TGIF1: variants seen among roughly 807,000 people sequenced by gnomAD.
TGIF1 encodes the protein TGFB induced factor homeobox 1, also known as homeobox protein TGIF1.
Under a neutral mutation model 19.3 loss-of-function variants are expected in TGIF1, and 4 were observed. The ratio of observed to expected loss-of-function variants is 0.21; its 90% CI spans 0.10 to 0.47. The LOEUF (loss-of-function observed/expected upper bound fraction) is 0.47, where lower values mean the gene tolerates loss of function less well. Ranked by LOEUF, TGIF1 falls within the 20% of genes least tolerant of loss-of-function variation. The pLI is 0.98. For synonymous variants in TGIF1, 122 were observed against 129.3 expected, an observed-to-expected ratio of 0.94 and a Z score of 0.38; for missense variants, 275 against 341.4, an observed-to-expected ratio of 0.81 and a Z score of 1.53.
In TGIF1 at chr18:3,457,318, G is replaced by A; in HGVS notation, c.244-47G>A. 1.3e-6 allele frequency: 2 copies of A among 1,596,140 alleles called. No individual in the cohort carries two copies. Among genetic ancestry groups the A allele is most frequent in the Non-Finnish European group, 1.7e-6 (2 of 1,165,784 alleles). On this transcript the variant is annotated intron_variant, in intron 2 of 2. Coordinates refer to ENST00000343820, the MANE Select transcript of TGIF1 (RefSeq NM_003244.4). The surrounding 1 kb of genome is among the most constrained non-coding windows in gnomAD (Gnocchi z 4.9). ...CCATAGAACATTCTCAGAACCCGTT[G>A]GCTGAGTGAATGAGGAAAATGTTAA...
intron 1 of TGIF1, chr18:3,452,529 C>A: frequency 8.0e-7 from 1 of 1,244,394 alleles, no homozygotes; most frequent in Non-Finnish European, 1.1e-6. Context: ...GTGGGATTCA[C>A]GGCCTCATTT....
At chr18:3,415,782 G>A (rs1449547019) in intron 1 of TGIF1, among the ~76,000 whole-genome samples, 1 of 152,170 alleles carries the variant, frequency 6.6e-6, no homozygotes, top group African/African-American at 2.4e-5. Flanking sequence ...TTTGTCCCCT[G>A]CATTGTGCTG....
At chr18:3,445,753 A>AAAAG (rs2082735125), upstream of TGIF1, among the ~76,000 whole-genome samples, 1 of 89,704 alleles carries the variant, frequency 1.1e-5, no homozygotes, top group South Asian at 3.3e-4. Flanking sequence ...AAAAAAAAAA[A>AAAAG]GAGAAGAAAA....
At chr18:3,436,075 C>T (rs2082611188) in intron 2 of TGIF1, among the ~76,000 whole-genome samples, 1 of 152,196 alleles carries the variant, frequency 6.6e-6, no homozygotes, top group Non-Finnish European at 1.5e-5. Flanking sequence ...TTCTCTTCCT[C>T]TGAACGCCTG....
chr18:3,430,022 G>T (rs187758397), intron 2 of TGIF1, among the ~76,000 whole-genome samples: 1 of 152,198 alleles, frequency 6.6e-6, no homozygotes, highest in Non-Finnish European at 1.5e-5. Flanking sequence ...CAGGCGTGGT[G>T]GTGGGCACCT....
chr18:3,456,562 A>G lies in TGIF1; in HGVS notation c.225A>G (p.Thr75=), dbSNP rs142830828. ...AAAAAGCGTTGCTGTCCCAGCAAAC[A>G]CACCTGTCTACGCTACAGGTAAAGA... The part of the protein sequence containing the change: ...EQEKALLSQQ[T]HLSTLQVCNW... The change falls in exon 2 of 3, where the codon ACA becomes ACG. Residue 75 remains threonine, a synonymous_variant. Coordinates refer to ENST00000343820, the MANE Select transcript of TGIF1 (RefSeq NM_003244.4). This position sits in a 1 kb window ranked among gnomAD's most constrained non-coding sequence, Gnocchi z 4.2. The G allele has an allele frequency of 1.5e-4, 236 of 1,614,142 alleles. No homozygotes were observed. Among genetic ancestry groups the G allele is most frequent in the Non-Finnish European group, 1.9e-4 (219 of 1,180,046 alleles).
intron 2 of TGIF1, among the ~76,000 whole-genome samples, chr18:3,425,946 C>A (rs1377654876): frequency 1.3e-5 from 2 of 152,022 alleles, no homozygotes; most frequent in Non-Finnish European, 2.9e-5. Context: ...GTCAGGAAAC[C>A]CGCACCATCC....
chr18:3,426,251 GTCC>G (rs1332156063), intron 2 of TGIF1, among the ~76,000 whole-genome samples: 3 of 143,478 alleles, frequency 2.1e-5, no homozygotes, highest in Non-Finnish European at 4.5e-5. Flanking sequence ...TCACTGCAAC[GTCC>G]TCCTCCTGGG....
At chr18:3,449,470 C>T (rs1383046697), upstream of TGIF1, 2 of 985,404 alleles carry the variant, frequency 2.0e-6, no homozygotes, top group Non-Finnish European at 2.4e-6. Context: ...AACTGCCTTG[C>T]AATCCAGTCC....
rs570158677 is a variant in TGIF1, at chr18:3,456,855, G to T, written c.243+275G>T. ...AAAGGAGGTTAAACCTTACTCTATT[G>T]TCCAGGAAACTGGTTTGATATTTAA... On this transcript the variant is annotated intron_variant, in intron 2 of 2. Coordinates refer to ENST00000343820, the MANE Select transcript of TGIF1 (RefSeq NM_003244.4). The surrounding 1 kb of genome is among the most constrained non-coding windows in gnomAD (Gnocchi z 4.2). The T allele has an allele frequency of 4.1e-4, 250 of 607,964 alleles. No individual in the cohort carries two copies. The African/African-American group carries it at 4.3e-3, about 11-fold the overall frequency. The allele number at this position is 607,964 out of a possible 1,614,324, so 37.7% of individuals were successfully genotyped here. A position where few individuals can be genotyped will look rare whatever the true frequency, so the allele number is the denominator to read the frequency against.
chr18:3,422,429 T>G (rs1174524941), intron 2 of TGIF1, among the ~76,000 whole-genome samples: 2 of 151,406 alleles, frequency 1.3e-5, no homozygotes, highest in Non-Finnish European at 2.9e-5. Flanking sequence ...AGTCAAAAAG[T>G]TTTTAAAAAT....
upstream of TGIF1, among the ~76,000 whole-genome samples, chr18:3,448,756 T>C (rs1437927799): frequency 2.2e-5 from 3 of 133,558 alleles, no homozygotes; most frequent in African/African-American, 9.8e-5. Context: ...GGTGGCAGGC[T>C]AGCTCTAGTT....
intron 1 of TGIF1, chr18:3,455,024 A>C (rs1259759799): frequency 6.6e-6 from 1 of 152,226 alleles, no homozygotes; most frequent in Non-Finnish European, 1.5e-5. Context: ...ATTAAGGTCA[A>C]GTCATATTTT....
intron 2 of TGIF1, among the ~76,000 whole-genome samples, chr18:3,424,174 A>G (rs1370925921): frequency 6.6e-6 from 1 of 152,168 alleles, no homozygotes; most frequent in Non-Finnish European, 1.5e-5. Context: ...TATTGTAGCT[A>G]TTTCTCTAAT....
chr18:3,450,554 A>G (rs2082876108), intron 1 of TGIF1, 49 bp downstream of exon 1: 2 of 1,552,794 alleles, frequency 1.3e-6, no homozygotes, highest in Non-Finnish European at 1.7e-6. Context: ...GTCCGGGGAA[A>G]CGTGCTGGCC....
chr18:3,450,635 G>C lies in TGIF1; in HGVS notation c.16+130G>C, dbSNP rs1310168692. ...GCTCTCATGCTGGAGTGGCGGCCGT[G>C]CTCTTTGTTGAGGCTGCGTCTGAAA... On this transcript the variant is annotated intron_variant, in intron 1 of 2. Transcript: ENST00000343820. The C allele has an allele frequency of 2.6e-6, 4 of 1,523,720 alleles. No individual in the cohort carries two copies. The East Asian group carries it at 9.8e-5, about 37-fold the overall frequency. The allele number at this position is 1,523,720 out of a possible 1,614,324, so 94.4% of individuals were successfully genotyped here. A position where few individuals can be genotyped will look rare whatever the true frequency, so the allele number is the denominator to read the frequency against.
chr18:3,447,874 C>T (rs1287983002), upstream of TGIF1: 7 of 1,576,840 alleles, frequency 4.4e-6, no homozygotes, highest in Non-Finnish European at 6.1e-6. Context: ...CCCCCCTTCT[C>T]CTGGAAAGTT....
rs570850372 is a variant in TGIF1 at position 3,450,358 on chromosome 18, A to G, written c.-132A>G. On this transcript the variant is annotated 5_prime_UTR_variant, in exon 1 of 3. Coordinates refer to ENST00000343820, the MANE Select transcript of TGIF1 (RefSeq NM_003244.4). ...TGGGATCAGAGCGTCCTGTTTAGCA[A>G]TAACGGCTGGAGCACGTCCTACAAG... The G allele has an allele frequency of 2.2e-4, 329 of 1,514,298 alleles. No individual in the cohort carries two copies. The African/African-American group carries it at 4.2e-3, about 19-fold the overall frequency. The allele number at this position is 1,514,298 out of a possible 1,614,324, so 93.8% of individuals were successfully genotyped here. A position where few individuals can be genotyped will look rare whatever the true frequency, so the allele number is the denominator to read the frequency against.
chr18:3,435,422 T>C (rs566639059), intron 2 of TGIF1, among the ~76,000 whole-genome samples: 7 of 152,274 alleles, frequency 4.6e-5, no homozygotes, highest in Non-Finnish European at 7.4e-5. Flanking sequence ...GGTCTCGAAC[T>C]CCTGAGCTCA....
Sources: allele counts gnomAD v4.1 joint callset (sites outside exome capture counted in the v4.1 genomes callset), GRCh38; gene constraint gnomAD v4.1.1; non-coding constraint Gnocchi (gnomAD v3.1); transcripts MANE v1.5; gene names NCBI Gene and HGNC (gene_info 2026-07-23, HGNC 2026-07-21).